The following TTC29 variants were observed in gnomAD, a reference collection of about 807,000 sequenced individuals.
TTC29 encodes the protein tetratricopeptide repeat protein 29.
A neutral mutation model predicts 58.1 loss-of-function variants in TTC29; 49 were observed. The observed-to-expected ratio is 0.84, with a 90% CI of 0.67 to 1.07. The LOEUF (loss-of-function observed/expected upper bound fraction) is 1.07. Ranked by LOEUF, TTC29 falls within the 50% of genes least tolerant of loss-of-function variation. The pLI, the probability that TTC29 is intolerant of heterozygous loss-of-function variation, is 0.00. For missense variants in TTC29, 582 were observed against 555.6 expected, an observed-to-expected ratio of 1.05 and a Z score of -0.48; for synonymous variants, 209 against 196.8, an observed-to-expected ratio of 1.06 and a Z score of -0.52.
At chr4:146,751,066 C>T (rs1314481740) in intron 11 of TTC29, among the ~76,000 whole-genome samples, 3 of 152,114 alleles carry the variant, frequency 2.0e-5, no homozygotes, top group Non-Finnish European at 4.4e-5. Flanking sequence ...AGTGACTACA[C>T]TTATATTGGA....
At chr4:146,748,654 C>T (rs1745729466) in intron 11 of TTC29, among the ~76,000 whole-genome samples, 1 of 152,192 alleles carries the variant, frequency 6.6e-6, no homozygotes, top group Admixed American at 6.5e-5. Context: ...ACTGAAGAAG[C>T]TACATGGAGA....
intron 4 of TTC29, among the ~76,000 whole-genome samples, chr4:146,918,051 G>A (rs1241887043): frequency 1.3e-5 from 2 of 150,656 alleles, no homozygotes; most frequent in Non-Finnish European, 3.0e-5. Context: ...ACATTTTATG[G>A]AATAGAATTT....
intron 11 of TTC29, among the ~76,000 whole-genome samples, chr4:146,719,185 T>C (rs1743167609): frequency 7.7e-6 from 1 of 130,436 alleles, no homozygotes; most frequent in South Asian, 2.5e-4. Context: ...GCCTTGGCTA[T>C]TGGGGTGTGT....
chr4:146,917,155 C>G (rs1734276294), intron 4 of TTC29, among the ~76,000 whole-genome samples: 1 of 150,790 alleles, frequency 6.6e-6, no homozygotes, highest in Admixed American at 6.6e-5. Flanking sequence ...TACATGTTAA[C>G]ATCTCAAAAA....
intron 11 of TTC29, among the ~76,000 whole-genome samples, chr4:146,751,609 A>G (rs1455399362): frequency 6.6e-6 from 1 of 152,218 alleles, no homozygotes; most frequent in Non-Finnish European, 1.5e-5. Context: ...CGGATCAAAG[A>G]GAAAATCTAA....
chr4:146,811,477 T>C (rs1014589689), intron 10 of TTC29, among the ~76,000 whole-genome samples: 11 of 152,094 alleles, frequency 7.2e-5, no homozygotes, highest in African/African-American at 2.7e-4. Context: ...CTTCTAACCC[T>C]TTAGGCTCCA....
At chr4:146,771,723 T>G (rs569009121) in intron 11 of TTC29, among the ~76,000 whole-genome samples, 1 of 152,150 alleles carries the variant, frequency 6.6e-6, no homozygotes, top group African/African-American at 2.4e-5. Flanking sequence ...GATGAACATA[T>G]GTATGCATGT....
At chr4:146,907,642 C>T (rs1733613113) in intron 5 of TTC29, among the ~76,000 whole-genome samples, 1 of 152,196 alleles carries the variant, frequency 6.6e-6, no homozygotes, top group Admixed American at 6.5e-5. Flanking sequence ...GGATTACAGG[C>T]GTCCGCCATC....
At chr4:146,894,842 TC>T (rs1320923762) in intron 6 of TTC29, among the ~76,000 whole-genome samples, 1 of 152,060 alleles carries the variant, frequency 6.6e-6, no homozygotes, top group South Asian at 2.1e-4. Context: ...GTTCTTTTTT[TC>T]CCCCAACTTT....
intron 11 of TTC29, among the ~76,000 whole-genome samples, chr4:146,799,593 T>A (rs77242941): frequency 6.6e-6 from 1 of 152,200 alleles, no homozygotes; most frequent in East Asian, 1.9e-4. Flanking sequence ...AACCTTTACA[T>A]GCCATTTTGT....
chr4:146,748,884 AC>A (rs907909634), intron 11 of TTC29, among the ~76,000 whole-genome samples: 1 of 151,902 alleles, frequency 6.6e-6, no homozygotes, highest in East Asian at 1.9e-4. Context: ...CTAGTAACTG[AC>A]CCCCCCGCAA....
chr4:146,791,768 G>A (rs988905872), intron 11 of TTC29, among the ~76,000 whole-genome samples: 9 of 152,160 alleles, frequency 5.9e-5, no homozygotes, highest in African/African-American at 2.2e-4. Flanking sequence ...CAAGAGAAAA[G>A]AAAGTTCTTG....
chr4:146,866,018 A>G (rs922820279), intron 8 of TTC29, among the ~76,000 whole-genome samples: 25 of 152,332 alleles, frequency 1.6e-4, no homozygotes, highest in African/African-American at 5.8e-4. Context: ...TCTAAATAAC[A>G]TAAAGGAAAC....
At chr4:146,840,379 T>C (rs1728780768) in intron 8 of TTC29, among the ~76,000 whole-genome samples, 1 of 152,040 alleles carries the variant, frequency 6.6e-6, no homozygotes, top group Admixed American at 6.6e-5. Context: ...TCAGAACCAA[T>C]GTATTATGCA....
chr4:146,899,449 A>G (rs376933998), intron 6 of TTC29, among the ~76,000 whole-genome samples: 10 of 152,330 alleles, frequency 6.6e-5, no homozygotes, highest in African/African-American at 2.4e-4. Flanking sequence ...TTCTGAAAGA[A>G]GATACAGCTG....
intron 6 of TTC29, among the ~76,000 whole-genome samples, chr4:146,899,432 G>T (rs1056955917): frequency 2.0e-5 from 3 of 152,262 alleles, no homozygotes; most frequent in Non-Finnish European, 2.9e-5. Context: ...TACAAATAAG[G>T]TCACAATTCT....
intron 11 of TTC29, among the ~76,000 whole-genome samples, chr4:146,710,846 G>C (rs186068611): frequency 6.6e-6 from 1 of 152,170 alleles, no homozygotes; most frequent in East Asian, 1.9e-4. Flanking sequence ...CCACCACTTA[G>C]CCTATACGTT....
At chr4:146,800,098 G>C (rs1750106990) in intron 11 of TTC29, among the ~76,000 whole-genome samples, 1 of 152,116 alleles carries the variant, frequency 6.6e-6, no homozygotes, top group African/African-American at 2.4e-5. Context: ...AAGTTTGGGA[G>C]GATAATCTAT....
intron 11 of TTC29, among the ~76,000 whole-genome samples, chr4:146,733,011 G>A (rs1342759686): frequency 6.6e-6 from 1 of 152,140 alleles, no homozygotes; most frequent in Non-Finnish European, 1.5e-5. Flanking sequence ...GCACAAGGCA[G>A]CCAAAGGAAT....
Sources: allele counts gnomAD v4.1 joint callset (sites outside exome capture counted in the v4.1 genomes callset), GRCh38; gene constraint gnomAD v4.1.1; transcripts MANE v1.5; gene names NCBI Gene and HGNC (gene_info 2026-07-23, HGNC 2026-07-21).